ARL15: variants seen among roughly 807,000 people sequenced by gnomAD.
The protein encoded by ARL15 is ADP-ribosylation factor-like protein 15.
ARL15 carries 19 observed loss-of-function variants against 25.2 expected under a neutral mutation model. The ratio of observed to expected loss-of-function variants is 0.75; its 90% CI spans 0.53 to 1.10. The LOEUF is 1.10. ARL15 is among the 50% of genes least tolerant of loss of function. The pLI, the probability that ARL15 is intolerant of heterozygous loss-of-function variation, is 0.00. For missense variants in ARL15, 220 were observed against 246.0 expected, an observed-to-expected ratio of 0.89 and a Z score of 0.71; for synonymous variants, 94 against 86.8, an observed-to-expected ratio of 1.08 and a Z score of -0.46.
chr5:53,920,071 A>G (rs1209933557), intron 4 of ARL15, among the ~76,000 whole-genome samples: 8 of 152,200 alleles, frequency 5.3e-5, no homozygotes, highest in Admixed American at 5.2e-4. Flanking sequence ...AATAAAATTT[A>G]TAACTACTTA....
rs570545269 is a variant in ARL15 at position 53,890,739 on chromosome 5, T to C, written c.463-4026A>G. 2.0e-5 allele frequency among the ~76,000 whole-genome samples: 3 copies of C among 152,324 alleles called. No individual in the cohort carries two copies. In the South Asian group the frequency reaches 6.2e-4, roughly 32 times the overall value. On this transcript the variant is annotated intron_variant, in intron 4 of 4. Transcript: ENST00000504924. ...TTTCTCCACTCATGCCACTGCCGGC[T>C]GATTGGCATGACTGCGTTCCATTAT... is the stretch of plus-strand genomic sequence containing the variant.
chr5:54,055,036 A>G (rs995449102), intron 4 of ARL15, among the ~76,000 whole-genome samples: 1 of 152,160 alleles, frequency 6.6e-6, no homozygotes, highest in Non-Finnish European at 1.5e-5. Context: ...TAAAGAACAC[A>G]GTTCAGTGGC....
intron 1 of ARL15, among the ~76,000 whole-genome samples, chr5:54,210,382 C>T (rs1453870249): frequency 6.6e-6 from 1 of 152,134 alleles, no homozygotes; most frequent in East Asian, 1.9e-4. Flanking sequence ...CACTTTCCAG[C>T]CAATTTGCTC....
At chr5:54,261,931 C>T (rs1757506479) in intron 1 of ARL15, among the ~76,000 whole-genome samples, 1 of 152,146 alleles carries the variant, frequency 6.6e-6, no homozygotes, top group Non-Finnish European at 1.5e-5. Context: ...TTAAATTAAT[C>T]ATCCAATTAT....
chr5:54,028,608 G>T (rs998179069), intron 4 of ARL15, among the ~76,000 whole-genome samples: 1 of 151,796 alleles, frequency 6.6e-6, no homozygotes, highest in Non-Finnish European at 1.5e-5. Context: ...GTCAAAAGTT[G>T]ATATTTAATA....
Position 54,289,877 on chromosome 5 carries a change from T to A in ARL15, c.48+20555A>T, listed in dbSNP as rs1758281483. On this transcript the variant is annotated intron_variant, in intron 1 of 4. Coordinates refer to ENST00000504924, the MANE Select transcript of ARL15 (RefSeq NM_019087.3). ...ATATAATGTATATTTTAATTGAATA[T>A]CTGCTATGTTCCAGGCACACAACTT... Among the ~76,000 whole-genome samples the A allele has an allele frequency of 2.6e-5, 4 of 152,216 alleles. No homozygotes were observed. The South Asian group carries it at 8.3e-4, about 32-fold the overall frequency.
intron 4 of ARL15, among the ~76,000 whole-genome samples, chr5:54,011,834 T>A (rs950966608): frequency 2.0e-5 from 3 of 151,770 alleles, no homozygotes; most frequent in Non-Finnish European, 4.4e-5. Context: ...CATGGTGAAA[T>A]CCCGACTCTA....
At chr5:54,209,260 C>T (rs1386468413) in intron 1 of ARL15, among the ~76,000 whole-genome samples, 3 of 151,410 alleles carry the variant, frequency 2.0e-5, no homozygotes, top group Non-Finnish European at 2.9e-5. Context: ...TAGACAATGC[C>T]TAAACCTGAA....
chr5:53,988,616 C>T lies in ARL15; in HGVS notation c.463-101903G>A, dbSNP rs567736153. 2.4e-4 allele frequency among the ~76,000 whole-genome samples: 36 copies of T among 152,188 alleles called. No homozygotes were observed. In the South Asian group the frequency reaches 7.3e-3, roughly 31 times the overall value. ...TTAATTTATTACTGAATACATTTTG[C>T]GTGCCTAAAATGACCAGGATACTCT... On this transcript the variant is annotated intron_variant, in intron 4 of 4. Coordinates refer to ENST00000504924, the MANE Select transcript of ARL15 (RefSeq NM_019087.3).
intron 4 of ARL15, among the ~76,000 whole-genome samples, chr5:53,987,834 G>T (rs1425526946): frequency 2.0e-5 from 3 of 152,156 alleles, no homozygotes; most frequent in African/African-American, 7.2e-5. Flanking sequence ...CAGGTGCGGT[G>T]GCTCATGCCT....
At chr5:53,937,756 T>C (rs1746397452) in intron 4 of ARL15, among the ~76,000 whole-genome samples, 1 of 151,342 alleles carries the variant, frequency 6.6e-6, no homozygotes, top group African/African-American at 2.4e-5. Context: ...CACCTAACTG[T>C]ATCAAAATAA....
chr5:53,900,875 A>G (rs1240548511), intron 4 of ARL15, among the ~76,000 whole-genome samples: 1 of 152,236 alleles, frequency 6.6e-6, no homozygotes, highest in Admixed American at 6.5e-5. Flanking sequence ...TGCAAACAGA[A>G]AAGTAAACAA....
At chr5:54,176,326 A>T (rs26775) in intron 1 of ARL15, among the ~76,000 whole-genome samples, 33 of 152,126 alleles carry the variant, frequency 2.2e-4, no homozygotes, top group African/African-American at 6.0e-4. Context: ...TGAGTCAACA[A>T]GATAAAACTT....
intron 4 of ARL15, among the ~76,000 whole-genome samples, chr5:53,908,901 A>G (rs2111970630): frequency 6.6e-6 from 1 of 152,358 alleles, no homozygotes; most frequent in East Asian, 1.9e-4. Context: ...ATTAATGAGC[A>G]TATACACAAA....
At chr5:53,977,312 G>C (rs903476091) in intron 4 of ARL15, among the ~76,000 whole-genome samples, 1 of 140,146 alleles carries the variant, frequency 7.1e-6, no homozygotes, top group African/African-American at 2.7e-5. Context: ...CCGAGATCGC[G>C]CCACTGCACT....
intron 3 of ARL15, among the ~76,000 whole-genome samples, chr5:54,136,723 C>T (rs533080031): frequency 3.3e-5 from 5 of 152,182 alleles, no homozygotes; most frequent in South Asian, 4.1e-4. Flanking sequence ...TCTTAAACAA[C>T]GAACACATCA....
chr5:54,139,070 G>A (rs1050719507), intron 3 of ARL15, among the ~76,000 whole-genome samples: 3 of 152,188 alleles, frequency 2.0e-5, no homozygotes, highest in Non-Finnish European at 4.4e-5. Context: ...TGGTGGGAAT[G>A]TAAATTAGTA....
intron 4 of ARL15, among the ~76,000 whole-genome samples, chr5:53,977,732 T>A (rs1328023876): frequency 1.3e-5 from 2 of 152,194 alleles, no homozygotes; most frequent in African/African-American, 4.8e-5. Flanking sequence ...AAAAGTCTTA[T>A]CAAGTCTCTG....
At chr5:54,004,986 GTTTTCTTTTTCTT>G (rs1038271918) in intron 4 of ARL15, among the ~76,000 whole-genome samples, 1 of 151,916 alleles carries the variant, frequency 6.6e-6, no homozygotes, top group Admixed American at 6.6e-5. Flanking sequence ...TCTAATGTGT[GTTTTCTTTTTCTT>G]TTTTCTTTTG....
Sources: gnomAD v4.1 joint callset for allele counts (sites outside exome capture counted in the v4.1 genomes callset) on GRCh38, gnomAD v4.1.1 for gene constraint, MANE v1.5 for transcripts, NCBI Gene and HGNC (gene_info 2026-07-23, HGNC 2026-07-21) for gene names.